PTPRN2: variants seen among roughly 807,000 people sequenced by gnomAD.
PTPRN2 encodes protein tyrosine phosphatase receptor type N2.
Under a neutral mutation model 118.8 loss-of-function variants are expected in PTPRN2, and 74 were observed. The observed-to-expected ratio is 0.62, with a 90% CI of 0.52 to 0.76. PTPRN2 has a LOEUF of 0.76. Ranked by LOEUF, PTPRN2 falls within the 30% of genes least tolerant of loss-of-function variation. The pLI, the probability that PTPRN2 is intolerant of heterozygous loss-of-function variation, is 0.00. For missense variants in PTPRN2, 1,481 were observed against 1,394.4 expected, an observed-to-expected ratio of 1.06 and a Z score of -0.99; for synonymous variants, 641 against 608.0, an observed-to-expected ratio of 1.05 and a Z score of -0.80.
intron 11 of PTPRN2, among the ~76,000 whole-genome samples, chr7:158,019,292 C>G (rs1806687713): frequency 6.6e-6 from 1 of 152,238 alleles, no homozygotes; most frequent in Non-Finnish European, 1.5e-5. Flanking sequence ...TTGTTTCAAG[C>G]ATTATTTCCA....
At chr7:158,149,968 C>G (rs1046721932) in intron 6 of PTPRN2, among the ~76,000 whole-genome samples, 1 of 152,176 alleles carries the variant, frequency 6.6e-6, no homozygotes, top group Admixed American at 6.5e-5. Context: ...AGAAAGTAAG[C>G]AACACAATTC....
At chr7:158,474,093 C>A (rs555133109) in intron 2 of PTPRN2, among the ~76,000 whole-genome samples, 3 of 152,190 alleles carry the variant, frequency 2.0e-5, no homozygotes, top group Non-Finnish European at 4.4e-5. Context: ...TCAGCCCTGG[C>A]GCTGGGCGGG....
At chr7:158,349,894 C>T (rs1179152235) in intron 2 of PTPRN2, among the ~76,000 whole-genome samples, 1 of 152,004 alleles carries the variant, frequency 6.6e-6, no homozygotes, top group Non-Finnish European at 1.5e-5. Flanking sequence ...CTGGGTGGTC[C>T]CTGAGGGCCC....
rs111476642 is a variant in PTPRN2, at chr7:158,022,781, A to G, written c.1723+58517T>C. Among the ~76,000 whole-genome samples the G allele has an allele frequency of 7.2e-4, 109 of 152,388 alleles. No homozygotes were observed. The highest frequency in any genetic ancestry group is 2.5e-3 in the African/African-American group (104 of 41,604). ...CGGAGGCTTCCGCCATGAGTCTGGA[A>G]TGCGTTCTGAGCACCCCTGGAGCAG... On this transcript the variant is annotated intron_variant, in intron 11 of 22. Transcript: ENST00000389418. The surrounding 1 kb of genome is among the most constrained non-coding windows in gnomAD (Gnocchi z 4.6).
Position 157,988,681 on chromosome 7 carries a change from G to A in PTPRN2, c.1724-89944C>T, listed in dbSNP as rs944096008. 2.0e-5 allele frequency among the ~76,000 whole-genome samples: 3 copies of A among 152,348 alleles called. 1 individual carries two copies. Among genetic ancestry groups the A allele is most frequent in the East Asian group, 1.9e-4 (1 of 5,186 alleles). On this transcript the variant is annotated intron_variant, in intron 11 of 22. Transcript: ENST00000389418. ...GGAACCGGGGGAGGGATGCACAGGC[G>A]AGAAATGCCCATGACCCGGTCCACA...
intron 2 of PTPRN2, among the ~76,000 whole-genome samples, chr7:158,413,011 C>A (rs2129416850): frequency 6.6e-6 from 1 of 151,746 alleles, no homozygotes; most frequent in South Asian, 2.1e-4. Context: ...AGCACCAGGG[C>A]CCATCCAGTG....
intron 12 of PTPRN2, among the ~76,000 whole-genome samples, chr7:157,693,587 C>A (rs1036472719): frequency 6.6e-6 from 1 of 152,142 alleles, no homozygotes; most frequent in African/African-American, 2.4e-5. Context: ...CGGGCGACGG[C>A]GCCCCCACCA....
intron 12 of PTPRN2, among the ~76,000 whole-genome samples, chr7:157,866,606 G>A (rs981679623): frequency 3.9e-5 from 6 of 152,030 alleles, no homozygotes; most frequent in African/African-American, 1.5e-4. Context: ...GCTGAGGCTG[G>A]TGTGCATTCT....
intron 11 of PTPRN2, among the ~76,000 whole-genome samples, chr7:157,937,539 C>T (rs957066478): frequency 3.3e-5 from 5 of 152,226 alleles, no homozygotes; most frequent in African/African-American, 1.2e-4. Flanking sequence ...GGTGTGGCTT[C>T]ATGTCTCTCA....
chr7:157,910,116 T>C (rs1797998814), intron 11 of PTPRN2, among the ~76,000 whole-genome samples: 1 of 152,244 alleles, frequency 6.6e-6, no homozygotes, highest in East Asian at 1.9e-4. Flanking sequence ...GATTCCTGAT[T>C]TGCAGTCTCA....
intron 11 of PTPRN2, among the ~76,000 whole-genome samples, chr7:158,056,943 A>C (rs778096661): frequency 5.9e-4 from 90 of 152,272 alleles, no homozygotes; most frequent in Non-Finnish European, 1.1e-3. Flanking sequence ...CAGGCTCACA[A>C]TGTCGCCCTT....
At position 157,560,869 on chromosome 7, in the gene PTPRN2, G is replaced by A. The variant is rs555992660; in HGVS notation, c.2902+8033C>T. 5.3e-5 allele frequency among the ~76,000 whole-genome samples: 8 copies of A among 152,244 alleles called. No individual in the cohort carries two copies. Among genetic ancestry groups the A allele is most frequent in the Non-Finnish European group, 7.4e-5 (5 of 67,996 alleles). On this transcript the variant is annotated intron_variant, in intron 21 of 22. Coordinates refer to ENST00000389418, the MANE Select transcript of PTPRN2 (RefSeq NM_002847.5). This position sits in a 1 kb window ranked among gnomAD's most constrained non-coding sequence, Gnocchi z 6.7. ...TTTCAGCCAAACATAAAAGCGAGAC[G>A]TCTCCTGCTCAGCTTTCCCAATTCT...
intron 12 of PTPRN2, among the ~76,000 whole-genome samples, chr7:157,823,249 A>G (rs1420998872): frequency 6.6e-6 from 1 of 152,240 alleles, no homozygotes; most frequent in Non-Finnish European, 1.5e-5. Context: ...AAACACATAA[A>G]TACCTAAAAT....
intron 2 of PTPRN2, among the ~76,000 whole-genome samples, chr7:158,386,346 T>A: frequency 1.5e-5 from 1 of 64,992 alleles, no homozygotes; most frequent in South Asian, 5.7e-4. Flanking sequence ...TCTGTACCCC[T>A]CCTCCCTCCT....
At chr7:158,294,303 C>G (rs1230068394) in intron 3 of PTPRN2, among the ~76,000 whole-genome samples, 1 of 152,230 alleles carries the variant, frequency 6.6e-6, no homozygotes, top group East Asian at 1.9e-4. Context: ...TAAGGACCTT[C>G]TGAGACACAA....
intron 2 of PTPRN2, among the ~76,000 whole-genome samples, chr7:158,403,358 A>G (rs944912017): frequency 2.0e-5 from 3 of 152,236 alleles, no homozygotes; most frequent in Admixed American, 1.3e-4. Flanking sequence ...GCATGTCTCC[A>G]CCAGGCTGCA....
chr7:157,789,341 C>T (rs1804281247), intron 12 of PTPRN2, among the ~76,000 whole-genome samples: 3 of 152,252 alleles, frequency 2.0e-5, no homozygotes, highest in Non-Finnish European at 4.4e-5. Flanking sequence ...ACGTTCCCTC[C>T]TGGTGGTCCC....
intron 12 of PTPRN2, among the ~76,000 whole-genome samples, chr7:157,872,609 C>A (rs184179587): frequency 6.6e-6 from 1 of 152,396 alleles, no homozygotes; most frequent in East Asian, 1.9e-4. Flanking sequence ...TGTGTCCTGA[C>A]ACTTGGTGGC....
chr7:158,156,036 C>A (rs1009288230), intron 6 of PTPRN2, among the ~76,000 whole-genome samples: 2 of 151,276 alleles, frequency 1.3e-5, no homozygotes, highest in Admixed American at 6.6e-5. Flanking sequence ...GGAAACAACA[C>A]AAGTGTAGTA....
Sources: gnomAD v4.1 joint callset for allele counts (sites outside exome capture counted in the v4.1 genomes callset) on GRCh38, gnomAD v4.1.1 for gene constraint, Gnocchi (gnomAD v3.1) non-coding constraint, MANE v1.5 for transcripts, NCBI Gene and HGNC (gene_info 2026-07-23, HGNC 2026-07-21) for gene names.